Variants in ANKH observed in about 807,000 individuals in gnomAD.
ANKH encodes the protein ANKH inorganic pyrophosphate transport regulator, also known as mineralization regulator ANKH.
In ANKH, 15 loss-of-function variants were observed where a neutral mutation model predicts 49.0. That is an observed-to-expected ratio of 0.31 (90% CI 0.20 to 0.47). The LOEUF (loss-of-function observed/expected upper bound fraction) is 0.47. Among genes scored for constraint, ANKH ranks in the 20% least tolerant of loss-of-function variants. ANKH has a pLI of 1.00. For missense variants in ANKH, 429 were observed against 652.0 expected (o/e 0.66, Z 3.72); for synonymous variants, 273 against 260.0 (o/e 1.05, Z -0.48).
chr5:14,761,966 T>A (rs1274272746), intron 2 of ANKH, among the ~76,000 whole-genome samples: 1 of 152,144 alleles, frequency 6.6e-6, no homozygotes, highest in Non-Finnish European at 1.5e-5. Context: ...GGTTTCACCA[T>A]GTTGGCCAGG....
At chr5:14,837,686 C>G (rs1741695246) in intron 1 of ANKH, among the ~76,000 whole-genome samples, 1 of 152,214 alleles carries the variant, frequency 6.6e-6, no homozygotes, top group Non-Finnish European at 1.5e-5. Flanking sequence ...GGACTGTAAA[C>G]TAGTTCAACC....
chr5:14,755,544 C>T (rs1391606268), intron 4 of ANKH, among the ~76,000 whole-genome samples: 3 of 152,102 alleles, frequency 2.0e-5, no homozygotes, highest in Non-Finnish European at 4.4e-5. Context: ...TAAGACATGC[C>T]GAAAGGTACT....
chr5:14,778,054 G>A (rs1739688201), intron 1 of ANKH, among the ~76,000 whole-genome samples: 1 of 152,190 alleles, frequency 6.6e-6, no homozygotes, highest in Non-Finnish European at 1.5e-5. Context: ...CACCTGAGAT[G>A]GCACTGCATG....
At chr5:14,776,547 C>T (rs1739628964) in intron 1 of ANKH, among the ~76,000 whole-genome samples, 1 of 152,140 alleles carries the variant, frequency 6.6e-6, no homozygotes, top group African/African-American at 2.4e-5. Flanking sequence ...TATGTCATGC[C>T]AGCGTTGTGA....
intron 7 of ANKH, among the ~76,000 whole-genome samples, chr5:14,743,515 A>G (rs963071796): frequency 5.9e-5 from 9 of 152,252 alleles, no homozygotes; most frequent in Non-Finnish European, 1.0e-4. Flanking sequence ...GTAACTGAAC[A>G]TTAGAGAGCA....
intron 1 of ANKH, chr5:14,797,385 T>A: frequency 6.2e-7 from 1 of 1,610,904 alleles, no homozygotes; most frequent in Non-Finnish European, 8.5e-7. Flanking sequence ...CGGTCTGTGA[T>A]CAGTACCACT....
At chr5:14,773,070 C>A (rs180882736) in intron 1 of ANKH, among the ~76,000 whole-genome samples, 1 of 152,334 alleles carries the variant, frequency 6.6e-6, no homozygotes, top group East Asian at 1.9e-4. Flanking sequence ...CTTTTCCCCA[C>A]CACCTATCCT....
chr5:14,755,885 G>C lies in ANKH; in HGVS notation c.492C>G (p.Ala164=). ...KHKYSFLVGC[A]SISDVIAQVV... is the part of the protein sequence containing the mutation. ...CCTGAGCTATGACATCTGAGATTGAGGCACATCCCACCAGGAAACTGTATT... is the reference window on the plus strand; with the variant it reads ...CCTGAGCTATGACATCTGAGATTGACGCACATCCCACCAGGAAACTGTATT... The change falls in exon 4 of 12, where the codon GCC becomes GCG. Residue 164 remains alanine (A), a synonymous_variant. Transcript: ENST00000284268. The C allele has an allele frequency of 6.2e-7, 1 of 1,614,070 alleles. No homozygotes were observed. The highest frequency in any genetic ancestry group is 1.1e-5 in the South Asian group (1 of 91,072).
intron 1 of ANKH, among the ~76,000 whole-genome samples, chr5:14,832,324 G>A (rs775757080): frequency 2.0e-5 from 3 of 152,136 alleles, no homozygotes; most frequent in Non-Finnish European, 4.4e-5. Flanking sequence ...AGTTCTCCAT[G>A]TGCAAATAAA....
chr5:14,719,857 TA>T, intron 8 of ANKH, among the ~76,000 whole-genome samples: 1 of 152,202 alleles, frequency 6.6e-6, no homozygotes, highest in East Asian at 1.9e-4. Context: ...GTGCTAACTT[TA>T]AAAACCTGAA....
chr5:14,733,322 G>A (rs1738063888), intron 8 of ANKH, among the ~76,000 whole-genome samples: 2 of 152,164 alleles, frequency 1.3e-5, no homozygotes, highest in Admixed American at 1.3e-4. Flanking sequence ...TACTGTGCCC[G>A]AGCAAGTGGG....
intron 1 of ANKH, among the ~76,000 whole-genome samples, chr5:14,867,193 G>A (rs1450529021): frequency 1.3e-5 from 2 of 150,264 alleles, no homozygotes; most frequent in African/African-American, 4.9e-5. Flanking sequence ...ATATACGACA[G>A]CTAAGATTAA....
chr5:14,712,465 C>A (rs77593014), intron 11 of ANKH, among the ~76,000 whole-genome samples: 3 of 152,248 alleles, frequency 2.0e-5, no homozygotes, highest in Non-Finnish European at 2.9e-5. Context: ...AGAGGCTGCC[C>A]GAGCTCCTGT....
chr5:14,714,824 G>A (rs553162392), intron 9 of ANKH, among the ~76,000 whole-genome samples: 1 of 152,344 alleles, frequency 6.6e-6, no homozygotes, highest in East Asian at 1.9e-4. Context: ...CAAATGGACA[G>A]TAAAGGTGAA....
intron 1 of ANKH, among the ~76,000 whole-genome samples, chr5:14,862,265 C>G (rs531075149): frequency 6.6e-6 from 1 of 152,230 alleles, no homozygotes; most frequent in East Asian, 1.9e-4. Context: ...AGCATTTTTG[C>G]TATGAAGAAG....
chr5:14,780,524 C>T (rs1312302429), intron 1 of ANKH, among the ~76,000 whole-genome samples: 1 of 152,130 alleles, frequency 6.6e-6, no homozygotes, highest in Non-Finnish European at 1.5e-5. Context: ...GCCTAGCCAA[C>T]AGAGTTAGAC....
intron 1 of ANKH, chr5:14,797,551 A>G (rs31989): frequency 0.49 from 790,699 of 1,610,676 alleles, 198,323 homozygotes; most frequent in East Asian, 0.79. Flanking sequence ...AACTCACTAT[A>G]AGGACTGAAA....
intron 2 of ANKH, chr5:14,768,199 C>T (rs3087948): frequency 0.24 from 36,843 of 152,150 alleles, 4,824 homozygotes; most frequent in East Asian, 0.5. Context: ...CTGACAGTCA[C>T]GCGTCTTAAA....
chr5:14,784,372 T>G (rs1739905656), intron 1 of ANKH, among the ~76,000 whole-genome samples: 1 of 152,174 alleles, frequency 6.6e-6, no homozygotes, highest in Admixed American at 6.5e-5. Flanking sequence ...CTCCTTCCTC[T>G]GCACCTCAAC....
Sources: gnomAD v4.1 joint callset for allele counts (sites outside exome capture counted in the v4.1 genomes callset) on GRCh38, gnomAD v4.1.1 for gene constraint, MANE v1.5 for transcripts, NCBI Gene and HGNC (gene_info 2026-07-23, HGNC 2026-07-21) for gene names.